The following ARHGAP28 variants were observed in gnomAD, a reference collection of about 807,000 sequenced individuals.
The protein encoded by ARHGAP28 is rho GTPase-activating protein 28.
A neutral mutation model predicts 90.7 loss-of-function variants in ARHGAP28; 56 were observed. That is an observed-to-expected ratio of 0.62 (90% confidence interval 0.50 to 0.77). The LOEUF is 0.77. Ranked by LOEUF, ARHGAP28 falls within the 30% of genes least tolerant of loss-of-function variation. The pLI, the probability that ARHGAP28 is intolerant of heterozygous loss-of-function variation, is 0.00. For missense variants in ARHGAP28, 869 were observed against 900.9 expected (o/e 0.96, Z 0.45); for synonymous variants, 308 against 323.3 (o/e 0.95, Z 0.51).
intron 10 of ARHGAP28, among the ~76,000 whole-genome samples, 164 bp from the exon 11 acceptor site, chr18:6,881,973 C>A (rs1723476241): frequency 6.6e-6 from 1 of 152,060 alleles, no homozygotes. Context: ...TTCATCCTCA[C>A]ATAGCTATTT....
chr18:6,787,049 G>A (rs553335441), intron 1 of ARHGAP28, among the ~76,000 whole-genome samples: 80 of 151,820 alleles, frequency 5.3e-4, no homozygotes, highest in African/African-American at 1.9e-3. Flanking sequence ...GTGAAACCCC[G>A]TCTCTACTAA....
At chr18:6,860,873 G>A (rs1369307492) in intron 5 of ARHGAP28, among the ~76,000 whole-genome samples, 1 of 152,178 alleles carries the variant, frequency 6.6e-6, no homozygotes, top group Admixed American at 6.5e-5. Context: ...TAATAACTCT[G>A]TAGGTTATGG....
chr18:6,892,547 CTT>C (rs953239605), intron 14 of ARHGAP28, among the ~76,000 whole-genome samples: 1 of 151,966 alleles, frequency 6.6e-6, no homozygotes, highest in Non-Finnish European at 1.5e-5. Flanking sequence ...ATTTCCTTGA[CTT>C]TTTTTTACCT....
chr18:6,783,498 T>A lies in ARHGAP28; in HGVS notation c.123-41264T>A, dbSNP rs1305196680. Among the ~76,000 whole-genome samples, 3 of 142,522 alleles carry A rather than the reference T, an allele frequency of 2.1e-5. No homozygotes were observed. The East Asian group carries it at 5.8e-4, about 28-fold the overall frequency. 93.5% of individuals were successfully genotyped at this position (142,522 alleles called of 152,430 possible). A position where few individuals can be genotyped will look rare whatever the true frequency, so the allele number is the denominator to read the frequency against. On this transcript the variant is annotated intron_variant, in intron 1 of 17. Transcript: ENST00000383472. Reference sequence around the variant, plus strand: ...GTATTTTTAGTAGAGACGGGGTTTCTCCATGTTGGTCAGGCTGGTCTTGAA... The same window carrying A: ...GTATTTTTAGTAGAGACGGGGTTTCACCATGTTGGTCAGGCTGGTCTTGAA...
intron 1 of ARHGAP28, among the ~76,000 whole-genome samples, chr18:6,810,410 T>C (rs1011567051): frequency 6.6e-6 from 1 of 152,122 alleles, no homozygotes; most frequent in Non-Finnish European, 1.5e-5. Context: ...CTACATCCCA[T>C]TGTCTTGAGC....
At chr18:6,837,464 A>C in intron 3 of ARHGAP28, 50 bp downstream of exon 3, 1 of 637,990 alleles carries the variant, frequency 1.6e-6, no homozygotes. Context: ...TTGACTGGGG[A>C]TGGGGTAGGG....
chr18:6,749,186 T>C (rs1245085464), intron 1 of ARHGAP28, among the ~76,000 whole-genome samples: 2 of 152,332 alleles, frequency 1.3e-5, no homozygotes, highest in East Asian at 3.9e-4. Flanking sequence ...GTTTGTATGT[T>C]ATCCATTCAG....
At chr18:6,740,143 T>C (rs6506436) in intron 1 of ARHGAP28, among the ~76,000 whole-genome samples, 144,934 of 152,290 alleles carry the variant, frequency 0.95, 69,417 homozygotes, top group East Asian at 1. Flanking sequence ...CATGAGCCAC[T>C]GTGTCCGGCC....
intron 1 of ARHGAP28, among the ~76,000 whole-genome samples, chr18:6,738,582 G>A (rs866633096): frequency 6.9e-6 from 1 of 144,196 alleles, no homozygotes; most frequent in Admixed American, 7.2e-5. Context: ...AAATCTGACA[G>A]TGGCTAGAAA....
intron 1 of ARHGAP28, among the ~76,000 whole-genome samples, chr18:6,820,432 C>T (rs1176910651): frequency 6.6e-6 from 1 of 152,094 alleles, no homozygotes; most frequent in Admixed American, 6.5e-5. Context: ...CAACATCAAA[C>T]AGCCTGACAG....
chr18:6,845,094 A>AT (rs1324248751), intron 3 of ARHGAP28, among the ~76,000 whole-genome samples: 1 of 152,000 alleles, frequency 6.6e-6, no homozygotes, highest in Non-Finnish European at 1.5e-5. Context: ...TTTTCTTTTC[A>AT]TTTTGAGACT....
chr18:6,914,814 G>T lies in ARHGAP28; in HGVS notation c.*2660G>T, dbSNP rs2057415005. ...AATGCTTATTCAGAAAAAAATCCTA[G>T]AGTTGATTCATTGTTTTCCTCCATC... On this transcript the variant is annotated 3_prime_UTR_variant, in exon 18 of 18. Coordinates refer to ENST00000383472, the MANE Select transcript of ARHGAP28 (RefSeq NM_001366230.1). 6.6e-6 allele frequency: 1 copy of T among 152,622 alleles called. No homozygotes were observed. Among genetic ancestry groups the T allele is most frequent in the South Asian group, 2.1e-4 (1 of 4,822 alleles). 9.5% of individuals were successfully genotyped at this position (152,622 alleles called of 1,614,324 possible).
chr18:6,881,290 CAG>C (rs2057176050), intron 10 of ARHGAP28, among the ~76,000 whole-genome samples: 2 of 152,186 alleles, frequency 1.3e-5, no homozygotes, highest in Admixed American at 6.5e-5. Context: ...CTTAAAGAAA[CAG>C]AGCTTTTAGA....
At chr18:6,868,347 C>G (rs1398263745) in intron 6 of ARHGAP28, 113 bp downstream of exon 6, 1 of 873,564 alleles carries the variant, frequency 1.1e-6, no homozygotes, top group Non-Finnish European at 1.8e-6. Context: ...GCTTTTCTCC[C>G]TGTTGTGATT....
At chr18:6,841,222 TCC>T (rs1297178106) in intron 3 of ARHGAP28, among the ~76,000 whole-genome samples, 9 of 100,156 alleles carry the variant, frequency 9.0e-5, no homozygotes, top group East Asian at 3.2e-4. Context: ...TCTCTCTCTC[TCC>T]CCCCAACCCG....
intron 1 of ARHGAP28, among the ~76,000 whole-genome samples, chr18:6,775,124 C>G (rs758505828): frequency 2.1e-4 from 32 of 152,316 alleles, no homozygotes; most frequent in Middle Eastern, 3.4e-3. Context: ...ATACATACAG[C>G]TACCTTGTCA....
At chr18:6,873,050 A>ATG (rs1055094363) in intron 7 of ARHGAP28, among the ~76,000 whole-genome samples, 2 of 151,964 alleles carry the variant, frequency 1.3e-5, no homozygotes, top group African/African-American at 4.8e-5. Flanking sequence ...GTTTCCTGTT[A>ATG]TGTGTGTGTC....
At chr18:6,761,317 T>C (rs1055066463) in intron 1 of ARHGAP28, among the ~76,000 whole-genome samples, 5 of 152,196 alleles carry the variant, frequency 3.3e-5, no homozygotes, top group Non-Finnish European at 5.9e-5. Context: ...GTTTTCTTCA[T>C]GTATATTACA....
intron 4 of ARHGAP28, among the ~76,000 whole-genome samples, chr18:6,857,970 G>T (rs114205104): frequency 0.015 from 2,334 of 152,252 alleles, 66 homozygotes; most frequent in African/African-American, 0.053. Context: ...GGTTGGTTAG[G>T]ATGCAGGCTC....
Sources: gnomAD v4.1 joint callset for allele counts (sites outside exome capture counted in the v4.1 genomes callset) on GRCh38, gnomAD v4.1.1 for gene constraint, MANE v1.5 for transcripts, NCBI Gene and HGNC (gene_info 2026-07-23, HGNC 2026-07-21) for gene names.